The following CA4 variants were observed in gnomAD, a reference collection of about 807,000 sequenced individuals.
The protein encoded by CA4 is carbonic anhydrase 4.
Under a neutral mutation model 34.5 loss-of-function variants are expected in CA4, and 24 were observed. The observed-to-expected ratio is 0.70, with a 90% CI of 0.50 to 0.98. The LOEUF (loss-of-function observed/expected upper bound fraction) is 0.98, where lower values mean the gene tolerates loss of function less well. Ranked by LOEUF, CA4 falls within the 50% of genes least tolerant of loss-of-function variation. CA4 has a pLI of 0.00. For synonymous variants in CA4, 178 were observed against 170.6 expected (o/e 1.04, Z -0.34); for missense variants, 394 against 396.7 (o/e 0.99, Z 0.06).
chr17:60,157,832 A>G (rs566521643), intron 5 of CA4, 44 bp downstream of exon 5: 3 of 1,570,336 alleles, frequency 1.9e-6, no homozygotes, highest in Non-Finnish European at 2.6e-6. Context: ...CGGGGCTGAG[A>G]GCTTCTTCTT....
intron 3 of CA4, 65 bp from the exon 4 acceptor site, chr17:60,157,362 G>A (rs1423966093): frequency 6.3e-7 from 1 of 1,588,590 alleles, no homozygotes; most frequent in African/African-American, 1.3e-5. Flanking sequence ...GGTGAAGCTG[G>A]GATGAAGAGC....
downstream of CA4, chr17:60,159,663 A>G (rs1275863052): frequency 1.7e-6 from 1 of 599,070 alleles, no homozygotes; most frequent in Non-Finnish European, 3.0e-6. Context: ...TCTCCCAAGC[A>G]GGTACCACCA....
At chr17:60,157,861 A>AATC (rs2145275817) in intron 5 of CA4, 73 bp downstream of exon 5, 1 of 1,519,970 alleles carries the variant, frequency 6.6e-7, no homozygotes, top group South Asian at 1.1e-5. Flanking sequence ...GAGACCTGGG[A>AATC]CTCCAGCGAG....
In CA4 at chr17:60,155,539, TCA is replaced by T. The variant is rs150431420; in HGVS notation, c.112+189_112+190del. Among the ~76,000 whole-genome samples, 362 of 141,644 alleles carry T rather than the reference TCA, an allele frequency of 2.6e-3. 1 individual carries two copies. The highest frequency in any genetic ancestry group is 7.4e-3 in the African/African-American group (265 of 35,742). The allele number at this position is 141,644 out of a possible 152,430, so 92.9% of individuals were successfully genotyped here. A position where few individuals can be genotyped will look rare whatever the true frequency, so the allele number is the denominator to read the frequency against. On this transcript the variant is annotated intron_variant, in intron 2 of 7. Coordinates refer to ENST00000300900, the MANE Select transcript of CA4 (RefSeq NM_000717.5). ...CACACACACACTCTCTCTCTCTCTC[TCA>T]CACACACACACACACAGATATACAA...
chr17:60,176,795 G>A, the CA4 span, among the ~76,000 whole-genome samples: 1 of 152,118 alleles, frequency 6.6e-6, no homozygotes, highest in Non-Finnish European at 1.5e-5. Flanking sequence ...CTGGGGGATG[G>A]GGGGAGTGGT....
Position 60,155,364 on chromosome 17 carries a change from T to G in CA4, c.109T>G (p.Leu37Val), listed in dbSNP as rs766345134. Residue 37 changes from leucine (L) to valine (V), a missense_variant, in exon 2 of 8, where the codon TTG becomes GTG. Coordinates refer to ENST00000300900, the MANE Select transcript of CA4 (RefSeq NM_000717.5). ...VQAESSNYPC[L>V]VPVKWGGNCQ... is the part of the protein sequence containing the mutation. ...AGCCGAGTCCTCCAACTACCCCTGC[T>G]TGGGTGAGTACAGCCAGTCCAGGGG... 1 of 1,608,414 alleles carries G rather than the reference T, an allele frequency of 6.2e-7. No individual in the cohort carries two copies. The highest frequency in any genetic ancestry group is 1.7e-5 in the Admixed American group (1 of 59,382).
chr17:60,153,796 G>T (rs1262596571), intron 1 of CA4, among the ~76,000 whole-genome samples: 1 of 152,236 alleles, frequency 6.6e-6, no homozygotes, highest in Non-Finnish European at 1.5e-5. Context: ...CATGGGGGTG[G>T]TTCAGGTGCA....
At chr17:60,159,655 T>G, downstream of CA4, 1 of 605,396 alleles carries the variant, frequency 1.7e-6, no homozygotes, top group Non-Finnish European at 2.9e-6. Flanking sequence ...AGGAGATTTC[T>G]CCCAAGCAGG....
At chr17:60,173,625 A>G (rs1221079238), downstream of CA4, among the ~76,000 whole-genome samples, 1 of 152,222 alleles carries the variant, frequency 6.6e-6, no homozygotes, top group Non-Finnish European at 1.5e-5. Context: ...GTGCATATGC[A>G]TATCATCTTT....
chr17:60,149,994 G>T lies in CA4; in HGVS notation c.-41G>T. The T allele has an allele frequency of 6.4e-7, 1 of 1,567,762 alleles. No homozygotes were observed. ...CTGCACCCGCGGCGGCCTCCTCGGT[G>T]CGCGACCCCCGGCTCAGAGGACTCT... On this transcript the variant is annotated 5_prime_UTR_variant, in exon 1 of 8. Transcript: ENST00000300900.
chr17:60,169,391 C>T (rs532692842), intron 5 of CA4, among the ~76,000 whole-genome samples: 27 of 152,276 alleles, frequency 1.8e-4, no homozygotes, highest in Admixed American at 1.0e-3. Flanking sequence ...CATAAACTAT[C>T]AACGTAAACA....
chr17:60,168,532 T>TTTTTGG, intron 5 of CA4, among the ~76,000 whole-genome samples: 1 of 7,950 alleles, frequency 1.3e-4, no homozygotes, highest in Non-Finnish European at 2.6e-4. Context: ...GTGATTTTTT[T>TTTTTGG]GGGAGGGGGT....
At position 60,156,550 on chromosome 17, in the gene CA4, C is replaced by A; in HGVS notation, c.113-10C>A. 1.2e-6 allele frequency: 2 copies of A among 1,614,140 alleles called. No homozygotes were observed. The highest frequency in any genetic ancestry group is 1.7e-6 in the Non-Finnish European group (2 of 1,179,964). Reference sequence around the variant, plus strand: ...ACCCGACTCTCAGCCCACCTTCTCTCCCTGCTCAGTGCCAGTCAAGTGGGG... The same window carrying A: ...ACCCGACTCTCAGCCCACCTTCTCTACCTGCTCAGTGCCAGTCAAGTGGGG... On this transcript the variant is annotated splice_polypyrimidine_tract_variant and intron_variant, in intron 2 of 7. Transcript: ENST00000300900.
At chr17:60,177,512 CAG>C in the CA4 span, among the ~76,000 whole-genome samples, 1 of 152,138 alleles carries the variant, frequency 6.6e-6, no homozygotes, top group Admixed American at 6.6e-5. Context: ...ATAACAAACA[CAG>C]ATCAAACAAC....
At chr17:60,167,088 G>T (rs189546457) in intron 5 of CA4, among the ~76,000 whole-genome samples, 8 of 152,278 alleles carry the variant, frequency 5.3e-5, no homozygotes, top group African/African-American at 1.9e-4. Flanking sequence ...AGAGGTAAAG[G>T]AACTTGTCCC....
At chr17:60,177,804 A>G in the CA4 span, among the ~76,000 whole-genome samples, 2 of 152,248 alleles carry the variant, frequency 1.3e-5, no homozygotes, top group Admixed American at 1.3e-4. Flanking sequence ...CTCAGATATC[A>G]GAACACAAAT....
At chr17:60,161,923 A>G (rs371482090), downstream of CA4, among the ~76,000 whole-genome samples, 31 of 152,094 alleles carry the variant, frequency 2.0e-4, no homozygotes, top group East Asian at 9.7e-4. Context: ...CAGCTCCCCA[A>G]TGGCACTGCA....
intron 1 of CA4, among the ~76,000 whole-genome samples, chr17:60,154,586 G>A (rs940149405): frequency 2.0e-5 from 3 of 152,212 alleles, no homozygotes; most frequent in African/African-American, 4.8e-5. Flanking sequence ...AGGCCCTTCT[G>A]CCCTGCATGC....
At chr17:60,155,694 ACACT>A (rs1309084571) in intron 2 of CA4, among the ~76,000 whole-genome samples, 1 of 151,826 alleles carries the variant, frequency 6.6e-6, no homozygotes, top group Non-Finnish European at 1.5e-5. Context: ...ACACAAACAC[ACACT>A]CACACTCTCC....
Sources: allele counts gnomAD v4.1 joint callset (sites outside exome capture counted in the v4.1 genomes callset), GRCh38; gene constraint gnomAD v4.1.1; transcripts MANE v1.5; gene names NCBI Gene and HGNC (gene_info 2026-07-23, HGNC 2026-07-21).